CRISPLD2: variants seen among roughly 807,000 people sequenced by gnomAD.
The protein encoded by CRISPLD2 is cysteine rich secretory protein LCCL domain containing 2, also known as cysteine-rich secretory protein LCCL domain-containing 2.
In CRISPLD2, 47 loss-of-function variants were observed where a neutral mutation model predicts 71.1. That is an observed-to-expected ratio of 0.66 (90% confidence interval 0.52 to 0.84). The LOEUF (loss-of-function observed/expected upper bound fraction) is 0.84. CRISPLD2 is among the 40% of genes least tolerant of loss of function. The probability of loss-of-function intolerance (pLI) is 0.00; values close to 1 mark genes in which losing one functional copy is unlikely to be tolerated. For missense variants in CRISPLD2, 830 were observed against 651.1 expected (o/e 1.27, Z -2.99); for synonymous variants, 317 against 250.1 (o/e 1.27, Z -2.52).
chr16:84,834,279 C>A (rs979515751), intron 1 of CRISPLD2, among the ~76,000 whole-genome samples: 2 of 152,226 alleles, frequency 1.3e-5, no homozygotes, highest in Admixed American at 6.5e-5. Context: ...CTGGCGTGAG[C>A]CCCTTCTTGA....
intron 14 of CRISPLD2, among the ~76,000 whole-genome samples, chr16:84,895,861 C>A (rs2071701225): frequency 6.6e-6 from 1 of 152,062 alleles, no homozygotes; most frequent in African/African-American, 2.4e-5. Flanking sequence ...TTTACAGTGT[C>A]CCTAAGGAGT....
intron 1 of CRISPLD2, among the ~76,000 whole-genome samples, chr16:84,834,788 G>A (rs1410071284): frequency 3.3e-5 from 5 of 152,052 alleles, no homozygotes; most frequent in South Asian, 2.1e-4. Flanking sequence ...GGCAGACGGC[G>A]TCTTCTCCCT....
chr16:84,849,649 A>T, intron 4 of CRISPLD2, 132 bp downstream of exon 4: 1 of 932,590 alleles, frequency 1.1e-6, no homozygotes, highest in Non-Finnish European at 1.6e-6. Context: ...ATTCAGTTCT[A>T]TACAGAGTAC....
At chr16:84,904,154 G>A (rs151075823) in intron 14 of CRISPLD2, among the ~76,000 whole-genome samples, 312 of 152,304 alleles carry the variant, frequency 2.0e-3, no homozygotes, top group African/African-American at 7.2e-3. Flanking sequence ...GGCGTCCCTG[G>A]TGTTCTAGAA....
intron 1 of CRISPLD2, among the ~76,000 whole-genome samples, chr16:84,821,755 AG>A (rs1916235964): frequency 6.6e-6 from 1 of 152,192 alleles, no homozygotes; most frequent in Non-Finnish European, 1.5e-5. Context: ...AAGATGTGAG[AG>A]TAGGAATAGT....
At chr16:84,882,650 C>A (rs1183119722) in intron 13 of CRISPLD2, among the ~76,000 whole-genome samples, 2 of 152,174 alleles carry the variant, frequency 1.3e-5, no homozygotes, top group Non-Finnish European at 2.9e-5. Flanking sequence ...GGTGATCCAC[C>A]CACCTTGGCT....
At chr16:84,827,601 C>G (rs895117698) in intron 1 of CRISPLD2, among the ~76,000 whole-genome samples, 1 of 144,252 alleles carries the variant, frequency 6.9e-6, no homozygotes, top group Non-Finnish European at 1.5e-5. Context: ...GAGTCTCACT[C>G]TGTTGCTCAG....
At chr16:84,825,897 C>T (rs1456170322) in intron 1 of CRISPLD2, among the ~76,000 whole-genome samples, 2 of 151,964 alleles carry the variant, frequency 1.3e-5, no homozygotes, top group African/African-American at 4.8e-5. Flanking sequence ...GCTGAGGCTG[C>T]AGTGAGCAGT....
At position 84,850,642 on chromosome 16, in the gene CRISPLD2, T is replaced by C. The variant is rs539176962; in HGVS notation, c.567T>C (p.Val189=). 5 of 1,614,148 alleles carry C rather than the reference T, an allele frequency of 3.1e-6. No individual in the cohort carries two copies. The highest frequency in any genetic ancestry group is 3.3e-5 in the Admixed American group (2 of 60,016). ...TCRKMTVWGE[V]WENAVYFVCN... ...GGAAGATGACTGTCTGGGGAGAAGT[T>C]TGGGAGAACGCGGTCTACTTTGTCT... Residue 189 remains valine, a synonymous_variant, in exon 5 of 15, where the codon GTT becomes GTC. Coordinates refer to ENST00000262424, the MANE Select transcript of CRISPLD2 (RefSeq NM_031476.4).
In CRISPLD2 at chr16:84,850,584, CCAA is replaced by C. The variant is rs756246534; in HGVS notation, c.513_515del (p.Asn171del). 3 of 1,614,146 alleles carry C rather than the reference CCAA, an allele frequency of 1.9e-6. No homozygotes were observed. The highest frequency in any genetic ancestry group is 2.2e-5 in the East Asian group (1 of 44,880). On this transcript the variant is annotated inframe_deletion, in exon 5 of 15. Transcript: ENST00000262424. ...TCTTTTCAGATAGTTTGGGCCACCA[CCAA>C]CAAGATCGGTTGTGCTGTGAACACC...
intron 1 of CRISPLD2, among the ~76,000 whole-genome samples, chr16:84,827,558 C>CTTTTTTTTTTT (rs571068599): frequency 9.6e-5 from 13 of 135,906 alleles, no homozygotes; most frequent in African/African-American, 3.3e-4. Context: ...AGTGCCCTTT[C>CTTTTTTTTTTT]TTTTTTTTTT....
chr16:84,880,351 G>T lies in CRISPLD2; in HGVS notation c.1230-158G>T, dbSNP rs549347776. Among the ~76,000 whole-genome samples, 9 of 152,216 alleles carry T rather than the reference G, an allele frequency of 5.9e-5. No individual in the cohort carries two copies. The East Asian group carries it at 9.6e-4, about 16-fold the overall frequency. On this transcript the variant is annotated intron_variant, in intron 12 of 14. Coordinates refer to ENST00000262424, the MANE Select transcript of CRISPLD2 (RefSeq NM_031476.4). ...TAGTAATATCTTTACCTCTGCTGAG[G>T]GGGGAGAAGTATTGTTTTTTTTCTT...
intron 1 of CRISPLD2, among the ~76,000 whole-genome samples, chr16:84,820,719 T>A (rs1916211473): frequency 6.6e-6 from 1 of 152,102 alleles, no homozygotes; most frequent in African/African-American, 2.4e-5. Context: ...CAGCTCTGTC[T>A]GTCTCCAGAG....
At chr16:84,896,417 T>C (rs2071707213) in intron 14 of CRISPLD2, among the ~76,000 whole-genome samples, 1 of 152,062 alleles carries the variant, frequency 6.6e-6, no homozygotes, top group Non-Finnish European at 1.5e-5. Context: ...CACATACACA[T>C]ATACAGACAG....
At chr16:84,834,511 C>G (rs1176973480) in intron 1 of CRISPLD2, among the ~76,000 whole-genome samples, 1 of 152,214 alleles carries the variant, frequency 6.6e-6, no homozygotes, top group African/African-American at 2.4e-5. Flanking sequence ...ATGGCACCAA[C>G]CAGGTTCCAG....
chr16:84,864,992 C>T (rs1182560283), intron 6 of CRISPLD2, among the ~76,000 whole-genome samples: 1 of 152,124 alleles, frequency 6.6e-6, no homozygotes, highest in African/African-American at 2.4e-5. Flanking sequence ...TATGGAGAAC[C>T]CCAGCCCAGG....
At chr16:84,866,397 A>C (rs1917538327) in intron 6 of CRISPLD2, among the ~76,000 whole-genome samples, 1 of 151,998 alleles carries the variant, frequency 6.6e-6, no homozygotes, top group African/African-American at 2.4e-5. Context: ...CACCATGCCC[A>C]GCTAATTTTT....
At position 84,906,568 on chromosome 16, in the gene CRISPLD2, C is replaced by T; in HGVS notation, c.1440-20C>T. Reference sequence around the variant, plus strand: ...CCTCCAGATCTCTCAGTAACGGGCCCTCTTTCTTCTTTTTTTCAGCCTGGG... The same window carrying T: ...CCTCCAGATCTCTCAGTAACGGGCCTTCTTTCTTCTTTTTTTCAGCCTGGG... On this transcript the variant is annotated intron_variant, in intron 14 of 14. Coordinates refer to ENST00000262424, the MANE Select transcript of CRISPLD2 (RefSeq NM_031476.4). The T allele has an allele frequency of 6.2e-7, 1 of 1,612,122 alleles. No individual in the cohort carries two copies. Among genetic ancestry groups the T allele is most frequent in the Non-Finnish European group, 8.5e-7 (1 of 1,179,962 alleles).
chr16:84,852,671 G>T (rs1388981289), intron 5 of CRISPLD2, among the ~76,000 whole-genome samples: 1 of 152,084 alleles, frequency 6.6e-6, no homozygotes, highest in Non-Finnish European at 1.5e-5. Flanking sequence ...GTGTGGGGGG[G>T]GTCAGATCCC....
Sources: gnomAD v4.1 joint callset for allele counts (sites outside exome capture counted in the v4.1 genomes callset) on GRCh38, gnomAD v4.1.1 for gene constraint, MANE v1.5 for transcripts, NCBI Gene and HGNC (gene_info 2026-07-23, HGNC 2026-07-21) for gene names.